The following PIGBOS1 variants were observed in gnomAD, a reference collection of about 807,000 sequenced individuals.
PIGBOS1 encodes protein PIGBOS1.
chr15:55,317,956 A>G (rs546736252), intron 1 of PIGBOS1, 89 bp from the exon 2 acceptor site: 16 of 373,746 alleles, frequency 4.3e-5, no homozygotes, highest in Non-Finnish European at 5.7e-5. Context: ...GGAGTGAACA[A>G]TATTTTTATA....
chr15:55,318,420 G>C (rs2055080044), intron 1 of PIGBOS1, among the ~76,000 whole-genome samples: 1 of 149,280 alleles, frequency 6.7e-6, no homozygotes. Context: ...AACAAGAGGA[G>C]TGGGCCGCAC....
At position 55,318,996 on chromosome 15, in the gene PIGBOS1, G is replaced by A. The variant is rs1595761950; in HGVS notation, c.-208C>T. On this transcript the variant is annotated 5_prime_UTR_variant, in exon 1 of 2. Transcript: ENST00000436697. ...TACCGCCTGCTCCCCTCCAGAGACC[G>A]GGGGCCTTCCAGCAGTTTTCGGACC... is the stretch of plus-strand genomic sequence containing the variant. The A allele has an allele frequency of 1.6e-5, 7 of 451,108 alleles. No homozygotes were observed. In the East Asian group the frequency reaches 2.7e-4, roughly 17 times the overall value. The allele number at this position is 451,108 out of a possible 1,614,324, so 27.9% of individuals were successfully genotyped here. A position where few individuals can be genotyped will look rare whatever the true frequency, so the allele number is the denominator to read the frequency against.
At position 55,318,908 on chromosome 15, in the gene PIGBOS1, G is replaced by A. The variant is rs1363443240; in HGVS notation, c.-120C>T. On this transcript the variant is annotated 5_prime_UTR_variant, in exon 1 of 2. It adds an upstream start codon to the 5' untranslated region. Coordinates refer to ENST00000436697, the MANE Select transcript of PIGBOS1 (RefSeq NM_001308421.2). ...ACTGACGTCTACAATTACCGTTACC[G>A]TTTTTAATAACCACTCAGGTACCTC... The A allele has an allele frequency of 8.5e-6, 2 of 234,582 alleles. No homozygotes were observed. Among genetic ancestry groups the A allele is most frequent in the Admixed American group, 5.4e-5 (1 of 18,670 alleles). The allele number at this position is 234,582 out of a possible 1,614,324, so 14.5% of individuals were successfully genotyped here. A position where few individuals can be genotyped will look rare whatever the true frequency, so the allele number is the denominator to read the frequency against.
chr15:55,318,585 C>T (rs1218360843), intron 1 of PIGBOS1, among the ~76,000 whole-genome samples: 2 of 150,994 alleles, frequency 1.3e-5, no homozygotes, highest in African/African-American at 4.8e-5. Context: ...GCCTGTAGTC[C>T]CAGCTACTTG....
In PIGBOS1 at chr15:55,318,820, C is replaced by T. The variant is rs564638800; in HGVS notation, c.-76+44G>A. ...TACAACAAGCTAAATCATCCCTACC[C>T]TGCCTACCTCGTTGAACAGGCATTT... is the stretch of plus-strand genomic sequence containing the variant. On this transcript the variant is annotated intron_variant, in intron 1 of 1. Coordinates refer to ENST00000436697, the MANE Select transcript of PIGBOS1 (RefSeq NM_001308421.2). 1.0e-3 allele frequency: 166 copies of T among 161,218 alleles called. 1 individual carries two copies. Among genetic ancestry groups the T allele is most frequent in the African/African-American group, 3.6e-3 (151 of 41,856 alleles). 10.0% of individuals were successfully genotyped at this position (161,218 alleles called of 1,614,324 possible).
At chr15:55,318,735 A>AC (rs58097333) in intron 1 of PIGBOS1, 129 bp downstream of exon 1, 3 of 150,542 alleles carry the variant, frequency 2.0e-5, no homozygotes, top group African/African-American at 7.4e-5. Flanking sequence ...CAAAAAAAAA[A>AC]CCTAACAACA....
At position 55,317,885 on chromosome 15, in the gene PIGBOS1, A is replaced by G. The variant is rs2055064285; in HGVS notation, c.-75-18T>C. ...CTTCAAATCTGCATACAAAAATGGA[A>G]AGCAAAGCCATCACTTAGTACAATG... On this transcript the variant is annotated intron_variant, in intron 1 of 1. Coordinates refer to ENST00000436697, the MANE Select transcript of PIGBOS1 (RefSeq NM_001308421.2). 1.0e-5 allele frequency: 4 copies of G among 391,696 alleles called. No homozygotes were observed. The highest frequency in any genetic ancestry group is 7.2e-5 in the East Asian group (2 of 27,782). The allele number at this position is 391,696 out of a possible 1,614,324, so 24.3% of individuals were successfully genotyped here.
In PIGBOS1 at chr15:55,319,101, C is replaced by G; in HGVS notation, c.-313G>C. 1.1e-6 allele frequency: 1 copy of G among 912,782 alleles called. No homozygotes were observed. Among genetic ancestry groups the G allele is most frequent in the Non-Finnish European group, 1.6e-6 (1 of 628,008 alleles). The allele number at this position is 912,782 out of a possible 1,614,324, so 56.5% of individuals were successfully genotyped here. Reference sequence around the variant, plus strand: ...ACGGCGAAAGGAAACCGCAAGGAGGCCACCACGTCGGGTGGGAGCTACGAA... The same window carrying G: ...ACGGCGAAAGGAAACCGCAAGGAGGGCACCACGTCGGGTGGGAGCTACGAA... On this transcript the variant is annotated 5_prime_UTR_variant, in exon 1 of 2. Coordinates refer to ENST00000436697, the MANE Select transcript of PIGBOS1 (RefSeq NM_001308421.2).
chr15:55,318,184 G>A (rs1175295264), intron 1 of PIGBOS1, among the ~76,000 whole-genome samples: 2 of 147,896 alleles, frequency 1.4e-5, no homozygotes, highest in East Asian at 4.0e-4. Flanking sequence ...TGCAAGCTCC[G>A]CCTCCTCGGT....
rs893315585 is a variant in PIGBOS1 at position 55,318,959 on chromosome 15, C to G, written c.-171G>C. ...CGACTGTTCTGCGCCTGCTCCACGT[C>G]ACTAAACTCGCTACCGCCTGCTCCC... On this transcript the variant is annotated 5_prime_UTR_variant, in exon 1 of 2. Transcript: ENST00000436697. The G allele has an allele frequency of 2.7e-6, 1 of 367,316 alleles. No homozygotes were observed. The highest frequency in any genetic ancestry group is 5.0e-6 in the Non-Finnish European group (1 of 200,552). The allele number at this position is 367,316 out of a possible 1,614,324, so 22.8% of individuals were successfully genotyped here. A position where few individuals can be genotyped will look rare whatever the true frequency, so the allele number is the denominator to read the frequency against.
intron 1 of PIGBOS1, 58 bp from the exon 2 acceptor site, chr15:55,317,925 G>C (rs2055064991): frequency 5.2e-6 from 2 of 384,214 alleles, no homozygotes; most frequent in African/African-American, 2.1e-5. Flanking sequence ...TTTAAAAGAT[G>C]TTATGTCACT....
chr15:55,319,109 T>C lies in PIGBOS1; in HGVS notation c.-321A>G, dbSNP rs1197954663. On this transcript the variant is annotated 5_prime_UTR_variant, in exon 1 of 2. Transcript: ENST00000436697. ...AGGAAACCGCAAGGAGGCCACCACG[T>C]CGGGTGGGAGCTACGAAGTTGCCCG... The C allele has an allele frequency of 3.0e-6, 3 of 989,070 alleles. No homozygotes were observed. Among genetic ancestry groups the C allele is most frequent in the Non-Finnish European group, 4.3e-6 (3 of 695,540 alleles). 61.3% of individuals were successfully genotyped at this position (989,070 alleles called of 1,614,324 possible).
At position 55,317,848 on chromosome 15, in the gene PIGBOS1, C is replaced by A. The variant is rs775298729; in HGVS notation, c.-56G>T. 2.0e-4 allele frequency: 78 copies of A among 395,804 alleles called. No individual in the cohort carries two copies. The highest frequency in any genetic ancestry group is 1.5e-3 in the African/African-American group (74 of 48,556). 24.5% of individuals were successfully genotyped at this position (395,804 alleles called of 1,614,324 possible). A position where few individuals can be genotyped will look rare whatever the true frequency, so the allele number is the denominator to read the frequency against. ...TGGTTTTGGAAAGTCACACTCCACA[C>A]CCAGGAAATCTCTTCAAATCTGCAT... is the stretch of plus-strand genomic sequence containing the variant. On this transcript the variant is annotated 5_prime_UTR_variant, in exon 2 of 2. Transcript: ENST00000436697.
chr15:55,318,795 TACA>T (rs990440429), intron 1 of PIGBOS1, 66 bp downstream of exon 1: 20 of 155,374 alleles, frequency 1.3e-4, no homozygotes, highest in South Asian at 3.8e-4. Flanking sequence ...TCCACATCTG[TACA>T]ACAAGCTAAA....
chr15:55,317,922 G>A, intron 1 of PIGBOS1, 55 bp from the exon 2 acceptor site: 1 of 385,304 alleles, frequency 2.6e-6, no homozygotes, highest in Non-Finnish European at 4.6e-6. Context: ...CCTTTTAAAA[G>A]ATGTTATGTC....
At chr15:55,318,431 G>A (rs1176040810) in intron 1 of PIGBOS1, among the ~76,000 whole-genome samples, 2 of 145,448 alleles carry the variant, frequency 1.4e-5, no homozygotes, top group South Asian at 2.4e-4. Flanking sequence ...TGGGCCGCAC[G>A]CGGTGGCTCA....
At position 55,317,588 on chromosome 15, in the gene PIGBOS1, C is replaced by G. The variant is rs1595759771; in HGVS notation, c.*40G>C. The stretch of plus-strand genomic sequence containing the variant: ...TCGGCCTCCCAAAGTGCTGGGATTA[C>G]AGGCGTGAGCCACTGCGCCAGGCCT... On this transcript the variant is annotated 3_prime_UTR_variant, in exon 2 of 2. Transcript: ENST00000436697. 2.0e-5 allele frequency: 8 copies of G among 392,842 alleles called. No individual in the cohort carries two copies. The East Asian group carries it at 2.9e-4, about 14-fold the overall frequency. 24.3% of individuals were successfully genotyped at this position (392,842 alleles called of 1,614,324 possible).
At chr15:55,318,377 G>C (rs1327253993) in intron 1 of PIGBOS1, among the ~76,000 whole-genome samples, 2 of 150,170 alleles carry the variant, frequency 1.3e-5, no homozygotes, top group African/African-American at 4.9e-5. Flanking sequence ...GAATACAGGC[G>C]TGAGCCACCG....
chr15:55,318,686 A>T (rs901592959), intron 1 of PIGBOS1, among the ~76,000 whole-genome samples, 178 bp downstream of exon 1: 1 of 148,730 alleles, frequency 6.7e-6, no homozygotes, highest in African/African-American at 2.5e-5. Flanking sequence ...GGACTACAAG[A>T]GCGAAACTCC....
Sources: gnomAD v4.1 joint callset for allele counts (sites outside exome capture counted in the v4.1 genomes callset) on GRCh38, gnomAD v4.1.1 for gene constraint, MANE v1.5 for transcripts, NCBI Gene and HGNC (gene_info 2026-07-23, HGNC 2026-07-21) for gene names.